MTOR: variants seen among roughly 807,000 people sequenced by gnomAD.
MTOR encodes the protein serine/threonine-protein kinase mTOR.
In MTOR, 70 loss-of-function variants were observed where a neutral mutation model predicts 319.8. The ratio of observed to expected loss-of-function variants is 0.22; its 90% CI spans 0.18 to 0.27. The LOEUF is 0.27. MTOR is among the 10% of genes least tolerant of loss of function. The pLI is 1.00. For missense variants in MTOR, 1,890 were observed against 3,274.4 expected (o/e 0.58, Z 10.32); for synonymous variants, 1,183 against 1,211.4 (o/e 0.98, Z 0.49).
intron 19 of MTOR, among the ~76,000 whole-genome samples, chr1:11,220,741 A>C (rs1303610999): frequency 2.0e-5 from 3 of 152,218 alleles, no homozygotes; most frequent in Non-Finnish European, 4.4e-5. Context: ...ATGGGAACAC[A>C]GTCCTGTCAA....
Position 11,199,125 on chromosome 1 carries a change from A to C in MTOR, c.4253+133T>G. On this transcript the variant is annotated intron_variant, in intron 28 of 57. Coordinates refer to ENST00000361445, the MANE Select transcript of MTOR (RefSeq NM_004958.4). This position sits in a 1 kb window ranked among gnomAD's most constrained non-coding sequence, Gnocchi z 4.5. ...ATCTGCAACAACATGTCATTTAAAC[A>C]TGCTGGCCAGACCCAGAGGCAGATT... 3.5e-6 allele frequency: 4 copies of C among 1,127,850 alleles called. No individual in the cohort carries two copies. The highest frequency in any genetic ancestry group is 5.1e-6 in the Non-Finnish European group (4 of 777,216). 69.9% of individuals were successfully genotyped at this position (1,127,850 alleles called of 1,614,324 possible).
At chr1:11,255,382 C>CAAAAAAAAAAAA (rs56328160) in intron 5 of MTOR, among the ~76,000 whole-genome samples, 1 of 98,236 alleles carries the variant, frequency 1.0e-5, no homozygotes, top group African/African-American at 6.3e-5. Context: ...ACTCCATCTC[C>CAAAAAAAAAAAA]AAAAAAAAAA....
At chr1:11,211,689 G>C (rs1358895918) in intron 23 of MTOR, among the ~76,000 whole-genome samples, 1 of 152,098 alleles carries the variant, frequency 6.6e-6, no homozygotes, top group African/African-American at 2.4e-5. Context: ...TTTCTAACAA[G>C]TTCTCAGGTA....
intron 20 of MTOR, 44 bp downstream of exon 20, chr1:11,216,104 T>C (rs1255689022): frequency 6.8e-7 from 1 of 1,471,644 alleles, no homozygotes; most frequent in Admixed American, 1.7e-5. Context: ...TGAGCCTTCC[T>C]TGACCCAAAC....
At chr1:11,187,537 C>T (rs766419893) in intron 28 of MTOR, among the ~76,000 whole-genome samples, 13 of 152,330 alleles carry the variant, frequency 8.5e-5, no homozygotes, top group Non-Finnish European at 1.8e-4. Context: ...CACTCACCTC[C>T]TGCTGTATGG....
At position 11,126,988 on chromosome 1, in the gene MTOR, G is replaced by A. The variant is rs199959944; in HGVS notation, c.6351+22C>T. 7.4e-5 allele frequency: 119 copies of A among 1,613,778 alleles called. No homozygotes were observed. In the African/African-American group the frequency reaches 1.5e-3, roughly 20 times the overall value. The stretch of plus-strand genomic sequence containing the variant: ...AAGGACTATAATGACAGTTAACCCT[G>A]CCAGGAGCCTGAAGATCCTACCTGA... On this transcript the variant is annotated intron_variant, in intron 45 of 57. Transcript: ENST00000361445.
intron 28 of MTOR, among the ~76,000 whole-genome samples, chr1:11,173,903 G>A (rs979167591): frequency 1.7e-4 from 26 of 152,068 alleles, no homozygotes; most frequent in South Asian, 1.5e-3. Context: ...ACTCCATCAC[G>A]GGAGGCAACA....
At chr1:11,219,579 T>C (rs954379284) in intron 19 of MTOR, among the ~76,000 whole-genome samples, 1 of 152,180 alleles carries the variant, frequency 6.6e-6, no homozygotes, top group Non-Finnish European at 1.5e-5. Flanking sequence ...TTGAATATGC[T>C]ATATGATTCG....
intron 12 of MTOR, 48 bp downstream of exon 12, chr1:11,238,354 C>T: frequency 6.3e-7 from 1 of 1,593,162 alleles, no homozygotes; most frequent in Admixed American, 1.7e-5. Context: ...TCCCAATTGT[C>T]CTAAGCTCCT....
At chr1:11,235,656 T>C (rs1647184549) in intron 13 of MTOR, among the ~76,000 whole-genome samples, 1 of 152,012 alleles carries the variant, frequency 6.6e-6, no homozygotes, top group East Asian at 1.9e-4. Flanking sequence ...ATTGAAAAAA[T>C]GAAATGGCCT....
intron 36 of MTOR, among the ~76,000 whole-genome samples, chr1:11,138,696 A>G (rs1223927673): frequency 6.6e-6 from 1 of 152,172 alleles, no homozygotes; most frequent in East Asian, 1.9e-4. Context: ...GCAGGTGATG[A>G]CTTTGCCTCC....
At chr1:11,140,685 A>G (rs2100485298) in intron 34 of MTOR, among the ~76,000 whole-genome samples, 1 of 152,342 alleles carries the variant, frequency 6.6e-6, no homozygotes, top group African/African-American at 2.4e-5. Context: ...TGGAATAAAA[A>G]TAGTACCAGT....
At position 11,213,499 on chromosome 1, in the gene MTOR, G is replaced by A. The variant is rs2100797509; in HGVS notation, c.3185C>T (p.Ala1062Val). 6.2e-7 allele frequency: 1 copy of A among 1,614,120 alleles called. No individual in the cohort carries two copies. Reference protein sequence around the residue: ...IILLIEQIVVALGGEFKLYLP... With the variant: ...IILLIEQIVVVLGGEFKLYLP... ...GTAGAGCTTAAATTCACCCCCAAGAGCTACCACAATTTGCTCAATGAGAAG... is the reference window on the plus strand; with the variant it reads ...GTAGAGCTTAAATTCACCCCCAAGAACTACCACAATTTGCTCAATGAGAAG... The change falls in exon 21 of 58, where the codon GCT becomes GTT. Residue 1062 changes from alanine to valine, a missense_variant. Around this residue, in one of 15 missense-constraint regions of MTOR, gnomAD observed 377 missense variants for 653.9 expected, o/e 0.58. Coordinates refer to ENST00000361445, the MANE Select transcript of MTOR (RefSeq NM_004958.4).
At chr1:11,176,470 C>CA (rs1324163587) in intron 28 of MTOR, among the ~76,000 whole-genome samples, 5 of 152,246 alleles carry the variant, frequency 3.3e-5, no homozygotes. Flanking sequence ...TGTATGAGAA[C>CA]ACACCCACTG....
At chr1:11,187,282 G>C (rs1645350458) in intron 28 of MTOR, among the ~76,000 whole-genome samples, 1 of 150,952 alleles carries the variant, frequency 6.6e-6, no homozygotes, top group African/African-American at 2.4e-5. Flanking sequence ...TTTGGCACTA[G>C]GGACTGGTTT....
intron 9 of MTOR, among the ~76,000 whole-genome samples, 156 bp from the exon 10 acceptor site, chr1:11,241,837 A>T (rs772446124): frequency 6.6e-6 from 1 of 152,226 alleles, no homozygotes; most frequent in Non-Finnish European, 1.5e-5. Flanking sequence ...GGGACCCATC[A>T]CATCACAATT....
intron 28 of MTOR, among the ~76,000 whole-genome samples, chr1:11,182,725 A>T (rs1645197801): frequency 6.6e-6 from 1 of 152,216 alleles, no homozygotes; most frequent in African/African-American, 2.4e-5. Flanking sequence ...TTGTTTGCTC[A>T]GTTTTTGAGC....
chr1:11,129,588 C>T lies in MTOR; in HGVS notation c.5714+150G>A. 5 of 662,284 alleles carry T rather than the reference C, an allele frequency of 7.5e-6. No homozygotes were observed. Among genetic ancestry groups the T allele is most frequent in the South Asian group, 7.4e-5 (4 of 54,048 alleles). The allele number at this position is 662,284 out of a possible 1,614,324, so 41.0% of individuals were successfully genotyped here. On this transcript the variant is annotated intron_variant, in intron 40 of 57. Coordinates refer to ENST00000361445, the MANE Select transcript of MTOR (RefSeq NM_004958.4). This position sits in a 1 kb window ranked among gnomAD's most constrained non-coding sequence, Gnocchi z 4.7. ...ACAGGTGGGGCCCAGTCAGCTGTTA[C>T]TCCTTAAATGCAGTGCAGAAAAAAG... is the stretch of plus-strand genomic sequence containing the variant.
intron 26 of MTOR, among the ~76,000 whole-genome samples, chr1:11,200,382 T>C (rs1645920628): frequency 6.6e-6 from 1 of 152,110 alleles, no homozygotes; most frequent in South Asian, 2.1e-4. Flanking sequence ...AAGCCAACAG[T>C]TGGGGCCTCA....
Sources: allele counts gnomAD v4.1 joint callset (sites outside exome capture counted in the v4.1 genomes callset), GRCh38; gene constraint gnomAD v4.1.1; regional missense constraint gnomAD v4.1.1; non-coding constraint Gnocchi (gnomAD v3.1); transcripts MANE v1.5; gene names NCBI Gene and HGNC (gene_info 2026-07-23, HGNC 2026-07-21).